GLI3: variants seen among roughly 807,000 people sequenced by gnomAD.
The protein encoded by GLI3 is transcription activator GLI3.
GLI3 carries 20 observed loss-of-function variants against 100.8 expected under a neutral mutation model. The observed-to-expected ratio is 0.20, with a 90% CI of 0.14 to 0.29. The LOEUF (loss-of-function observed/expected upper bound fraction) is 0.29. Ranked by LOEUF, GLI3 falls within the 10% of genes least tolerant of loss-of-function variation. GLI3 has a pLI of 1.00. For missense variants in GLI3, 2,040 were observed against 2,128.5 expected (o/e 0.96, Z 0.82); for synonymous variants, 938 against 860.5 (o/e 1.09, Z -1.58).
At chr7:42,048,441 C>T (rs1271498874) in intron 5 of GLI3, 50 bp downstream of exon 5, 50 of 1,194,978 alleles carry the variant, frequency 4.2e-5, no homozygotes, top group Middle Eastern at 2.4e-4. Flanking sequence ...GAGTGAGGAG[C>T]GGGGAGGAGG....
intron 10 of GLI3, among the ~76,000 whole-genome samples, chr7:42,000,929 C>A (rs150835837): frequency 6.6e-6 from 1 of 151,896 alleles, no homozygotes; most frequent in African/African-American, 2.4e-5. Flanking sequence ...GTATATTTGG[C>A]ACCATTAAAA....
intron 1 of GLI3, among the ~76,000 whole-genome samples, chr7:42,256,660 A>T (rs1044992796): frequency 6.6e-6 from 1 of 152,190 alleles, no homozygotes; most frequent in African/African-American, 2.4e-5. Flanking sequence ...CTGCATTAAT[A>T]TCATACTGTA....
At chr7:42,008,045 G>C (rs1185709356) in intron 10 of GLI3, among the ~76,000 whole-genome samples, 1 of 152,152 alleles carries the variant, frequency 6.6e-6, no homozygotes, top group Non-Finnish European at 1.5e-5. Flanking sequence ...CATGTAACTG[G>C]CTTGCAAGAA....
intron 2 of GLI3, among the ~76,000 whole-genome samples, chr7:42,153,465 C>T (rs890459092): frequency 6.6e-6 from 1 of 151,218 alleles, no homozygotes; most frequent in Non-Finnish European, 1.5e-5. Context: ...AACTCTCCAT[C>T]ATTAAATTAC....
At chr7:41,987,463 G>A (rs968359942) in intron 10 of GLI3, among the ~76,000 whole-genome samples, 7 of 152,126 alleles carry the variant, frequency 4.6e-5, no homozygotes, top group African/African-American at 9.7e-5. Flanking sequence ...CACTGCGCCC[G>A]GCTGTGGAAC....
chr7:42,152,485 T>C (rs2128789344), intron 2 of GLI3: 2 of 884,028 alleles, frequency 2.3e-6, no homozygotes, highest in East Asian at 1.2e-4. Context: ...TCCCAGGCAA[T>C]GCTGCTCCCA....
At chr7:42,194,782 C>T (rs572935601) in intron 2 of GLI3, among the ~76,000 whole-genome samples, 13 of 45,272 alleles carry the variant, frequency 2.9e-4, no homozygotes, top group Admixed American at 5.4e-4. Context: ...TTTTTGGAGT[C>T]GGAGTTTCAC....
At chr7:42,131,447 C>CGTAA (rs1786273663) in intron 3 of GLI3, among the ~76,000 whole-genome samples, 1 of 152,086 alleles carries the variant, frequency 6.6e-6, no homozygotes, top group Admixed American at 6.5e-5. Flanking sequence ...ATGCTAGACA[C>CGTAA]ATCGCCATTG....
At chr7:41,976,785 C>T (rs1211322316) in intron 12 of GLI3, among the ~76,000 whole-genome samples, 1 of 152,190 alleles carries the variant, frequency 6.6e-6, no homozygotes, top group Non-Finnish European at 1.5e-5. Context: ...ATTTCACAGA[C>T]AAGCCAGAAT....
chr7:42,187,799 T>G (rs1174165615), intron 2 of GLI3, among the ~76,000 whole-genome samples: 1 of 151,520 alleles, frequency 6.6e-6, no homozygotes, highest in Non-Finnish European at 1.5e-5. Context: ...GGTCAGGAGA[T>G]CCAGACCATC....
chr7:42,189,552 A>C (rs1787784863), intron 2 of GLI3, among the ~76,000 whole-genome samples: 1 of 152,230 alleles, frequency 6.6e-6, no homozygotes, highest in South Asian at 2.1e-4. Context: ...TAAAACTATC[A>C]GTGGAAGAAA....
At position 41,964,754 on chromosome 7, in the gene GLI3, G is replaced by C; in HGVS notation, c.4319C>G (p.Ser1440Cys). ...CACGGTTTGGTCATAGAACTGACCA[G>C]AGTAATTCTGCAGATTAGAGCACAG... ...HPLCSNLQNY[S>C]GQFYDQTVGF... The change falls in exon 15 of 15, where the codon TCT becomes TGT. Residue 1440 changes from serine to cysteine, a missense_variant. This residue lies in a region of GLI3 where 1,041 missense variants were observed against 924.0 expected (regional missense o/e 1.13). Transcript: ENST00000395925. The C allele has an allele frequency of 1.9e-6, 3 of 1,613,772 alleles. No homozygotes were observed. The highest frequency in any genetic ancestry group is 1.3e-5 in the African/African-American group (1 of 75,054).
At position 42,182,843 on chromosome 7, in the gene GLI3, T is replaced by C. The variant is rs115934841; in HGVS notation, c.125-34375A>G. 5.3e-3 allele frequency among the ~76,000 whole-genome samples: 804 copies of C among 151,400 alleles called. 10 individuals are homozygous for C. Among genetic ancestry groups the C allele is most frequent in the African/African-American group, 0.019 (775 of 41,122 alleles). On this transcript the variant is annotated intron_variant, in intron 2 of 14. Coordinates refer to ENST00000395925, the MANE Select transcript of GLI3 (RefSeq NM_000168.6). ...ATCCCAGCACTTTGAGAGGCCGAAGTGGGCAAAGTGCGCAGATCGTTTGAG... is the reference window on the plus strand; with the variant it reads ...ATCCCAGCACTTTGAGAGGCCGAAGCGGGCAAAGTGCGCAGATCGTTTGAG...
chr7:42,260,207 A>T (rs745664630), intron 1 of GLI3, among the ~76,000 whole-genome samples: 17 of 152,220 alleles, frequency 1.1e-4, no homozygotes, highest in Non-Finnish European at 2.1e-4. Context: ...GACATATATA[A>T]TGAACATCTA....
intron 2 of GLI3, among the ~76,000 whole-genome samples, chr7:42,156,422 ATC>A (rs1268827800): frequency 1.3e-5 from 2 of 152,188 alleles, no homozygotes; most frequent in Non-Finnish European, 2.9e-5. Flanking sequence ...ATTTATGACT[ATC>A]TCTCTCTGTG....
chr7:42,043,062 T>G (rs1784176360), intron 6 of GLI3, among the ~76,000 whole-genome samples: 1 of 152,164 alleles, frequency 6.6e-6, no homozygotes, highest in Admixed American at 6.6e-5. Flanking sequence ...GAGGGTTGTG[T>G]TAATTAAGAA....
At chr7:42,242,233 T>G (rs538040495), upstream of GLI3, among the ~76,000 whole-genome samples, 102 of 152,368 alleles carry the variant, frequency 6.7e-4, no homozygotes, top group African/African-American at 2.3e-3. Context: ...TAATTTGATA[T>G]GCACCAGTAA....
chr7:42,143,479 T>A (rs1282139821), intron 3 of GLI3, among the ~76,000 whole-genome samples: 2 of 152,198 alleles, frequency 1.3e-5, no homozygotes, highest in African/African-American at 4.8e-5. Flanking sequence ...ATTAAATATG[T>A]AAAATATACA....
chr7:42,170,956 T>C lies in GLI3; in HGVS notation c.125-22488A>G, dbSNP rs533075332. 8.5e-5 allele frequency among the ~76,000 whole-genome samples: 13 copies of C among 152,316 alleles called. 1 individual carries two copies. In the South Asian group the frequency reaches 2.7e-3, roughly 32 times the overall value. ...GTGGCTTCTCCCTGCAGCAACAATC[T>C]GATTGACTCAGCACACAGTTATTTA... On this transcript the variant is annotated intron_variant, in intron 2 of 14. Transcript: ENST00000395925.
Sources: allele counts gnomAD v4.1 joint callset (sites outside exome capture counted in the v4.1 genomes callset), GRCh38; gene constraint gnomAD v4.1.1; regional missense constraint gnomAD v4.1.1; transcripts MANE v1.5; gene names NCBI Gene and HGNC (gene_info 2026-07-23, HGNC 2026-07-21).